Variants in CTCF observed in about 807,000 individuals in gnomAD.
The protein encoded by CTCF is CCCTC-binding factor.
A neutral mutation model predicts 72.3 loss-of-function variants in CTCF; 7 were observed. The observed-to-expected ratio is 0.10, with a 90% CI of 0.06 to 0.18. The LOEUF (loss-of-function observed/expected upper bound fraction) is 0.18, where lower values mean the gene tolerates loss of function less well. Ranked by LOEUF, CTCF falls within the 10% of genes least tolerant of loss-of-function variation. The pLI, the probability that CTCF is intolerant of heterozygous loss-of-function variation, is 1.00. For synonymous variants in CTCF, 374 were observed against 315.8 expected (o/e 1.18, Z -1.95); for missense variants, 516 against 949.1 (o/e 0.54, Z 6.00).
chr16:67,579,360 T>G (rs1419207977), intron 2 of CTCF, among the ~76,000 whole-genome samples: 1 of 148,880 alleles, frequency 6.7e-6, no homozygotes, highest in African/African-American at 2.5e-5. Context: ...TTTTTTTTTG[T>G]TTTTTTTTTA....
At chr16:67,617,837 GA>G (rs1292917779) in intron 5 of CTCF, among the ~76,000 whole-genome samples, 3 of 152,080 alleles carry the variant, frequency 2.0e-5, no homozygotes, top group Non-Finnish European at 2.9e-5. Flanking sequence ...CTACCAAAAA[GA>G]AAACTTACCC....
chr16:67,636,504 C>T (rs1236340380), intron 10 of CTCF, among the ~76,000 whole-genome samples, 186 bp from the exon 11 acceptor site: 1 of 145,820 alleles, frequency 6.9e-6, no homozygotes, highest in Non-Finnish European at 1.5e-5. Context: ...GCCGAGATCG[C>T]GCCACTGCAC....
intron 1 of CTCF, among the ~76,000 whole-genome samples, chr16:67,570,175 C>A (rs987837181): frequency 4.8e-5 from 7 of 144,396 alleles, no homozygotes. Context: ...CTCCCGGGTT[C>A]ATGCCATTCT....
In CTCF at chr16:67,620,774, C is replaced by T. The variant is rs143837268; in HGVS notation, c.1164C>T (p.Ser388=). 0.019 allele frequency: 30,636 copies of T among 1,603,690 alleles called. 521 individuals carry two copies. Among genetic ancestry groups the T allele is most frequent in the Non-Finnish European group, 0.019 (22,417 of 1,172,100 alleles). ...AGTGCAGTTTGTGCAGTTATGCCAG[C>T]AGGGACACATACAAGCTGAAAAGGC... is the stretch of plus-strand genomic sequence containing the variant. ...PFQCSLCSYA[S]RDTYKLKRHM... The change falls in exon 6 of 12, where the codon AGC becomes AGT. Residue 388 remains serine (S), a synonymous_variant. Coordinates refer to ENST00000264010, the MANE Select transcript of CTCF (RefSeq NM_006565.4).
At chr16:67,603,257 G>A (rs1047162873) in intron 2 of CTCF, among the ~76,000 whole-genome samples, 7 of 152,020 alleles carry the variant, frequency 4.6e-5, no homozygotes, top group Admixed American at 2.0e-4. Flanking sequence ...TAGGCCGGGC[G>A]CAGTGGCTCA....
intron 5 of CTCF, among the ~76,000 whole-genome samples, chr16:67,618,142 C>T (rs899141395): frequency 4.6e-5 from 7 of 152,110 alleles, no homozygotes; most frequent in East Asian, 1.9e-4. Context: ...TGGTGGCTCA[C>T]GCCTGTAATC....
intron 2 of CTCF, among the ~76,000 whole-genome samples, chr16:67,595,422 CT>C (rs1418428757): frequency 6.6e-6 from 1 of 152,158 alleles, no homozygotes; most frequent in African/African-American, 2.4e-5. Flanking sequence ...AAATCCAGTA[CT>C]TTATCAGAGA....
At chr16:67,604,812 TTA>T (rs2051951408) in intron 2 of CTCF, among the ~76,000 whole-genome samples, 1 of 150,518 alleles carries the variant, frequency 6.6e-6, no homozygotes, top group African/African-American at 2.4e-5. Context: ...ATAATGTGGC[TTA>T]TGTTTGTGGC....
intron 5 of CTCF, among the ~76,000 whole-genome samples, chr16:67,618,901 A>G (rs2052166454): frequency 6.6e-6 from 1 of 152,250 alleles, no homozygotes; most frequent in African/African-American, 2.4e-5. Flanking sequence ...TGGAAGAATA[A>G]ATATGAATGG....
chr16:67,596,669 C>G (rs1474664097), intron 2 of CTCF, among the ~76,000 whole-genome samples: 6 of 152,122 alleles, frequency 3.9e-5, no homozygotes, highest in Admixed American at 3.9e-4. Flanking sequence ...ACTGCAACCT[C>G]CACCTCCCTG....
Position 67,611,214 on chromosome 16 carries a change from A to G in CTCF, c.382A>G (p.Thr128Ala), listed in dbSNP as rs762636381. The change falls in exon 3 of 12, where the codon ACC (threonine) becomes GCC (alanine). Residue 128 changes from threonine to alanine, a missense_variant. Thr to Ala is a moderately conservative substitution (Grantham distance 58). This residue lies in a region of CTCF where 148 missense variants were observed against 194.9 expected (regional missense o/e 0.76). Transcript: ENST00000264010. ...TGTTCCTGTGACTGTACCTGTTGCTACCACTTCAGTAGAAGAACTTCAGGG... is the reference window on the plus strand; with the variant it reads ...TGTTCCTGTGACTGTACCTGTTGCTGCCACTTCAGTAGAAGAACTTCAGGG... ...VPVPVTVPVA[T>A]TSVEELQGAY... The G allele has an allele frequency of 5.0e-6, 8 of 1,614,194 alleles. No individual in the cohort carries two copies. Among genetic ancestry groups the G allele is most frequent in the East Asian group, 2.2e-5 (1 of 44,888 alleles).
At chr16:67,604,605 T>A (rs1305604193) in intron 2 of CTCF, among the ~76,000 whole-genome samples, 3 of 152,108 alleles carry the variant, frequency 2.0e-5, no homozygotes, top group African/African-American at 4.8e-5. Context: ...CCTCCCAAAG[T>A]GTTGGGATTA....
chr16:67,631,155 T>G (rs932343262), intron 10 of CTCF, among the ~76,000 whole-genome samples: 1 of 123,204 alleles, frequency 8.1e-6, no homozygotes, highest in Non-Finnish European at 1.6e-5. Flanking sequence ...TCTTTGTTTG[T>G]TTTTTTTTTG....
intron 10 of CTCF, among the ~76,000 whole-genome samples, chr16:67,636,214 A>G (rs139671232): frequency 0.042 from 6,395 of 152,156 alleles, 446 homozygotes; most frequent in African/African-American, 0.14. Context: ...CATCTCTACT[A>G]AAAATACAAA....
Position 67,577,975 on chromosome 16 carries a change from G to A in CTCF, c.-10+6711G>A, listed in dbSNP as rs143139228. ...CATTCTTTGGAAGAGTCTAATGATT[G>A]TAGAATTACATTAGAACCTAAAGAA... On this transcript the variant is annotated intron_variant, in intron 2 of 11. Transcript: ENST00000264010. 3.2e-4 allele frequency among the ~76,000 whole-genome samples: 49 copies of A among 152,262 alleles called. No homozygotes were observed. In the East Asian group the frequency reaches 9.1e-3, roughly 28 times the overall value.
In CTCF at chr16:67,616,830, C is replaced by T. The variant is rs745318080; in HGVS notation, c.1038C>T (p.Thr346=). Residue 346 remains threonine, a synonymous_variant, in exon 5 of 12, where the codon ACC becomes ACT. Transcript: ENST00000264010. The part of the protein sequence containing the change: ...ELVRHRRYKH[T]HEKPFKCSMC... Reference sequence around the variant, plus strand: ...TTCGGCATCGTCGTTACAAACACACCCACGAGAAGCCATTCAAGTGTTCCA... The same window carrying T: ...TTCGGCATCGTCGTTACAAACACACTCACGAGAAGCCATTCAAGTGTTCCA... 6.2e-7 allele frequency: 1 copy of T among 1,614,068 alleles called. No individual in the cohort carries two copies. The highest frequency in any genetic ancestry group is 1.1e-5 in the South Asian group (1 of 91,082).
intron 9 of CTCF, among the ~76,000 whole-genome samples, 170 bp downstream of exon 9, chr16:67,628,722 T>G (rs189926671): frequency 6.6e-6 from 1 of 152,220 alleles, no homozygotes; most frequent in Admixed American, 6.5e-5. Context: ...TGTGAACCCT[T>G]CCACTGATGG....
chr16:67,572,385 G>A (rs907767210), intron 2 of CTCF: 1 of 152,140 alleles, frequency 6.6e-6, no homozygotes, highest in Non-Finnish European at 1.5e-5. Context: ...AGAGTTTAGG[G>A]AATGGGTTTA....
At position 67,624,965 on chromosome 16, in the gene CTCF, C is replaced by T. The variant is rs60434324; in HGVS notation, c.1358-1590C>T. On this transcript the variant is annotated intron_variant, in intron 7 of 11. Coordinates refer to ENST00000264010, the MANE Select transcript of CTCF (RefSeq NM_006565.4). ...TGAGAGACGGAGTTTCACTCTGTCA[C>T]CCAGGCTGGAGTAGAGTGGCGCGAT... Among the ~76,000 whole-genome samples the T allele has an allele frequency of 3.9e-3, 596 of 152,278 alleles. 5 individuals carry two copies. Among genetic ancestry groups the T allele is most frequent in the African/African-American group, 0.014 (570 of 41,560 alleles).
Sources: allele counts gnomAD v4.1 joint callset (sites outside exome capture counted in the v4.1 genomes callset), GRCh38; gene constraint gnomAD v4.1.1; regional missense constraint gnomAD v4.1.1; transcripts MANE v1.5; gene names NCBI Gene and HGNC (gene_info 2026-07-23, HGNC 2026-07-21).